ALPK1: variants seen among roughly 807,000 people sequenced by gnomAD.
The protein encoded by ALPK1 is alpha kinase 1, also known as alpha-protein kinase 1.
In ALPK1, 110 loss-of-function variants were observed where a neutral mutation model predicts 120.6. The observed-to-expected ratio is 0.91, with a 90% confidence interval of 0.78 to 1.07. ALPK1 has a LOEUF of 1.07. Ranked by LOEUF, ALPK1 falls within the 50% of genes least tolerant of loss-of-function variation. The probability of loss-of-function intolerance (pLI) is 0.00; values close to 1 mark genes in which losing one functional copy is unlikely to be tolerated. For missense variants in ALPK1, 1,498 were observed against 1,483.9 expected (o/e 1.01, Z -0.16); for synonymous variants, 582 against 560.3 (o/e 1.04, Z -0.55).
At chr4:112,419,279 TTC>T (rs1333490841) in intron 5 of ALPK1, among the ~76,000 whole-genome samples, 1 of 152,244 alleles carries the variant, frequency 6.6e-6, no homozygotes, top group Non-Finnish European at 1.5e-5. Flanking sequence ...TATTCTCTGT[TTC>T]TCTGTTTTTC....
chr4:112,329,574 A>T (rs1729269692), intron 2 of ALPK1, among the ~76,000 whole-genome samples: 1 of 152,250 alleles, frequency 6.6e-6, no homozygotes, highest in Non-Finnish European at 1.5e-5. Context: ...ATGAAAGTAT[A>T]AAAGTTATCA....
intron 9 of ALPK1, chr4:112,427,997 T>C (rs1032765056): frequency 5.0e-6 from 1 of 200,534 alleles, no homozygotes; most frequent in East Asian, 1.1e-4. Flanking sequence ...ATCTTGATGA[T>C]AAAGGGGTAA....
chr4:112,411,416 G>A (rs1440127069), intron 4 of ALPK1, among the ~76,000 whole-genome samples: 3 of 152,056 alleles, frequency 2.0e-5, no homozygotes, highest in Non-Finnish European at 4.4e-5. Flanking sequence ...GTAGAGATGG[G>A]GTTTCACCAT....
In ALPK1 at chr4:112,324,341, G is replaced by GAA. The variant is rs777084589; in HGVS notation, c.-101+8498_-101+8499dup. On this transcript the variant is annotated intron_variant, in intron 2 of 15. Transcript: ENST00000650871. ...GACTCCATCTCAGAAAAAAAAAAAAGAAAAAAAAAAGCCTGCTCTTTGTCC... is the reference window on the plus strand; with the variant it reads ...GACTCCATCTCAGAAAAAAAAAAAAGAAAAAAAAAAAAGCCTGCTCTTTGTCC... 7.6e-3 allele frequency among the ~76,000 whole-genome samples: 1,090 copies of GAA among 144,100 alleles called. 20 individuals are homozygous for GAA. The highest frequency in any genetic ancestry group is 0.043 in the Middle Eastern group (12 of 280). 94.5% of individuals were successfully genotyped at this position (144,100 alleles called of 152,430 possible).
intron 4 of ALPK1, among the ~76,000 whole-genome samples, chr4:112,397,251 A>T (rs1732692244): frequency 6.6e-6 from 1 of 152,122 alleles, no homozygotes; most frequent in Non-Finnish European, 1.5e-5. Flanking sequence ...TAGTCCCAAT[A>T]TTGGCTTCTT....
chr4:112,356,787 A>G lies in ALPK1; in HGVS notation c.-100-20891A>G, dbSNP rs1356911521. The G allele has an allele frequency of 4.1e-5, 30 of 739,850 alleles. No individual in the cohort carries two copies. In the Admixed American group the frequency reaches 5.2e-4, roughly 13 times the overall value. 45.8% of individuals were successfully genotyped at this position (739,850 alleles called of 1,614,324 possible). On this transcript the variant is annotated intron_variant, in intron 2 of 15. Coordinates refer to ENST00000650871, the MANE Select transcript of ALPK1 (RefSeq NM_025144.4). The stretch of plus-strand genomic sequence containing the variant: ...TCCCGGAACCTGAAGCAGCAAGCCG[A>G]CATCGTCTTCATCCCATACAGTTAG...
At chr4:112,302,785 T>G (rs17044401) in intron 1 of ALPK1, among the ~76,000 whole-genome samples, 3,227 of 152,166 alleles carry the variant, frequency 0.021, 116 homozygotes, top group African/African-American at 0.073. Context: ...TCCCTCTTGG[T>G]CTACTTCCCT....
intron 2 of ALPK1, chr4:112,358,882 C>T (rs1315336398): frequency 1.6e-5 from 12 of 774,078 alleles, no homozygotes; most frequent in African/African-American, 6.8e-5. Context: ...GCTGCCCTGG[C>T]GACCTGTCTT....
chr4:112,308,897 T>A (rs1008283806), intron 1 of ALPK1, among the ~76,000 whole-genome samples: 1 of 152,084 alleles, frequency 6.6e-6, no homozygotes, highest in Non-Finnish European at 1.5e-5. Context: ...CTTTGGTCTT[T>A]GATGATGGTG....
chr4:112,391,909 T>A (rs1326231660), intron 4 of ALPK1, among the ~76,000 whole-genome samples: 1 of 152,166 alleles, frequency 6.6e-6, no homozygotes, highest in Non-Finnish European at 1.5e-5. Flanking sequence ...GACTTCTAGA[T>A]TCTTAGTATG....
At chr4:112,350,302 C>T (rs779758794) in intron 2 of ALPK1, among the ~76,000 whole-genome samples, 8 of 152,216 alleles carry the variant, frequency 5.3e-5, no homozygotes, top group Non-Finnish European at 8.8e-5. Flanking sequence ...TGTTGCAAAA[C>T]GATCCTTAAT....
In ALPK1 at chr4:112,382,706, G is replaced by A. The variant is rs560724000; in HGVS notation, c.276+154G>A. 3.9e-4 allele frequency: 429 copies of A among 1,086,876 alleles called. 4 individuals are homozygous for A. The African/African-American group carries it at 6.0e-3, about 15-fold the overall frequency. 67.3% of individuals were successfully genotyped at this position (1,086,876 alleles called of 1,614,324 possible). On this transcript the variant is annotated intron_variant, in intron 4 of 15. Coordinates refer to ENST00000650871, the MANE Select transcript of ALPK1 (RefSeq NM_025144.4). ...ATTGACTAATGTGAGGGAAATAGCT[G>A]TTTGAAAAACATTACTTGCCCATAA...
intron 2 of ALPK1, chr4:112,358,598 G>A (rs372611932): frequency 4.6e-5 from 33 of 722,706 alleles, no homozygotes; most frequent in African/African-American, 2.4e-4. Flanking sequence ...GCTGCTGGCC[G>A]CCCTGGAGCA....
At chr4:112,383,386 G>A (rs1406094235) in intron 4 of ALPK1, 3 of 151,960 alleles carry the variant, frequency 2.0e-5, no homozygotes, top group Non-Finnish European at 2.9e-5. Flanking sequence ...ACGTAAGATT[G>A]TATTTTTGAG....
intron 4 of ALPK1, 125 bp downstream of exon 4, chr4:112,382,677 C>A: frequency 7.5e-7 from 1 of 1,330,496 alleles, no homozygotes; most frequent in Non-Finnish European, 1.1e-6. Context: ...CTCAGCTCTG[C>A]CAGATTGACT....
intron 2 of ALPK1, among the ~76,000 whole-genome samples, chr4:112,317,267 T>G (rs552999898): frequency 1.9e-3 from 295 of 152,320 alleles, no homozygotes; most frequent in Non-Finnish European, 2.8e-3. Context: ...ATCTATTATT[T>G]ATTTTGTTGC....
chr4:112,318,737 C>T (rs772938881), intron 2 of ALPK1, among the ~76,000 whole-genome samples: 9 of 152,144 alleles, frequency 5.9e-5, no homozygotes, highest in Non-Finnish European at 1.3e-4. Context: ...GCATGAGAAG[C>T]TGAAATGAAA....
At chr4:112,392,288 A>C (rs1020458395) in intron 4 of ALPK1, among the ~76,000 whole-genome samples, 1 of 152,090 alleles carries the variant, frequency 6.6e-6, no homozygotes, top group Non-Finnish European at 1.5e-5. Context: ...ATATCGGTAA[A>C]TGGCACTACA....
rs913202449 is a variant in ALPK1, at chr4:112,442,347, T to C, written c.*1137T>C. On this transcript the variant is annotated 3_prime_UTR_variant, in exon 16 of 16. Transcript: ENST00000650871. ...GGATAGAGCTGGAGGCCATTATTTT[T>C]AGCAAACTAATGCAAGAACAGAAAA... is the stretch of plus-strand genomic sequence containing the variant. 1 of 152,190 alleles carries C rather than the reference T, an allele frequency of 6.6e-6. No individual in the cohort carries two copies. Among genetic ancestry groups the C allele is most frequent in the African/African-American group, 2.4e-5 (1 of 41,460 alleles). The allele number at this position is 152,190 out of a possible 1,614,324, so 9.4% of individuals were successfully genotyped here.
Sources: allele counts gnomAD v4.1 joint callset (sites outside exome capture counted in the v4.1 genomes callset), GRCh38; gene constraint gnomAD v4.1.1; transcripts MANE v1.5; gene names NCBI Gene and HGNC (gene_info 2026-07-23, HGNC 2026-07-21).